Variants in TCAIM observed in about 807,000 individuals in gnomAD.
The protein encoded by TCAIM is T-cell activation inhibitor, mitochondrial.
A neutral mutation model predicts 58.6 loss-of-function variants in TCAIM; 36 were observed. The observed-to-expected ratio is 0.61, with a 90% CI of 0.47 to 0.81. The LOEUF (loss-of-function observed/expected upper bound fraction) is 0.81. Among genes scored for constraint, TCAIM ranks in the 30% least tolerant of loss-of-function variants. TCAIM has a pLI of 0.00. For missense variants in TCAIM, 466 were observed against 579.6 expected, an observed-to-expected ratio of 0.80 and a Z score of 2.01; for synonymous variants, 172 against 193.6, an observed-to-expected ratio of 0.89 and a Z score of 0.93.
At chr3:44,396,305 C>G in intron 6 of TCAIM, 95 bp from the exon 7 acceptor site, 1 of 945,610 alleles carries the variant, frequency 1.1e-6, no homozygotes, top group Non-Finnish European at 1.6e-6. Context: ...AAAAGAGACT[C>G]ATTGGCTTTC....
chr3:44,405,949 CT>C (rs1409088458), intron 10 of TCAIM, among the ~76,000 whole-genome samples: 1 of 53,898 alleles, frequency 1.9e-5, no homozygotes, highest in Admixed American at 2.7e-4. Flanking sequence ...AAGACTCCAT[CT>C]CAAAAAAAAA....
chr3:44,379,270 G>T lies in TCAIM; in HGVS notation c.572+11562G>T, dbSNP rs145075325. Among the ~76,000 whole-genome samples, 92 of 152,274 alleles carry T rather than the reference G, an allele frequency of 6.0e-4. No individual in the cohort carries two copies. The East Asian group carries it at 0.017, about 28-fold the overall frequency. On this transcript the variant is annotated intron_variant, in intron 5 of 10. Coordinates refer to ENST00000342649, the MANE Select transcript of TCAIM (RefSeq NM_173826.4). ...AAAAGGGAATGCTTATTTAGTGTTG[G>T]TAAGAGTGTATATTAGTTAAACCAT...
intron 5 of TCAIM, among the ~76,000 whole-genome samples, chr3:44,386,209 CAAA>C (rs10576012): frequency 7.3e-5 from 4 of 54,974 alleles, no homozygotes; most frequent in Admixed American, 2.3e-4. Flanking sequence ...CCAGAAGCTC[CAAA>C]AAAAAAAAAA....
intron 5 of TCAIM, 104 bp downstream of exon 5, chr3:44,367,812 T>C (rs1483283478): frequency 8.4e-7 from 1 of 1,189,808 alleles, no homozygotes; most frequent in Non-Finnish European, 1.1e-6. Context: ...AAAAGTGTAG[T>C]TCACATTTAA....
chr3:44,363,829 T>C (rs1701327010), intron 4 of TCAIM, among the ~76,000 whole-genome samples: 1 of 150,172 alleles, frequency 6.7e-6, no homozygotes, highest in African/African-American at 2.5e-5. Context: ...AAGCCTGTAC[T>C]CCCAGCTACT....
At chr3:44,371,929 C>A (rs1479421219) in intron 5 of TCAIM, among the ~76,000 whole-genome samples, 3 of 147,602 alleles carry the variant, frequency 2.0e-5, no homozygotes, top group Middle Eastern at 7.2e-3. Context: ...TTTTTTTCAA[C>A]CAAAAGCAGA....
intron 5 of TCAIM, among the ~76,000 whole-genome samples, chr3:44,386,565 C>G (rs1701746180): frequency 6.6e-6 from 1 of 152,234 alleles, no homozygotes; most frequent in African/African-American, 2.4e-5. Context: ...TGGGAACCCC[C>G]ACCCCTGTCA....
intron 4 of TCAIM, chr3:44,362,647 A>C: frequency 2.7e-6 from 1 of 372,850 alleles, no homozygotes; most frequent in Non-Finnish European, 4.8e-6. Context: ...CTATTCTTCA[A>C]TATTTAAAGA....
intron 5 of TCAIM, among the ~76,000 whole-genome samples, chr3:44,386,186 C>G (rs1486387024): frequency 8.7e-6 from 1 of 115,340 alleles, no homozygotes; most frequent in Admixed American, 1.2e-4. Context: ...GCACCTCAGC[C>G]TGGGCAATAG....
intron 1 of TCAIM, among the ~76,000 whole-genome samples, chr3:44,351,625 G>A (rs1314439549): frequency 1.3e-5 from 2 of 151,914 alleles, no homozygotes; most frequent in Non-Finnish European, 2.9e-5. Flanking sequence ...CTCCCAAGTA[G>A]CTGGGATTAC....
chr3:44,373,078 A>C (rs141902188), intron 5 of TCAIM, among the ~76,000 whole-genome samples: 5 of 152,228 alleles, frequency 3.3e-5, no homozygotes, highest in African/African-American at 1.2e-4. Context: ...TAGCATTTTT[A>C]AATTAAAATA....
At chr3:44,367,134 C>G (rs1274135996) in intron 4 of TCAIM, among the ~76,000 whole-genome samples, 1 of 152,156 alleles carries the variant, frequency 6.6e-6, no homozygotes, top group Non-Finnish European at 1.5e-5. Flanking sequence ...GATTTATCGA[C>G]AGAATTGAGA....
chr3:44,347,749 A>G (rs984805122), intron 1 of TCAIM, among the ~76,000 whole-genome samples: 3 of 152,206 alleles, frequency 2.0e-5, no homozygotes, highest in Non-Finnish European at 1.5e-5. Flanking sequence ...ATCCTTTTAA[A>G]GTATGCTGTG....
intron 4 of TCAIM, among the ~76,000 whole-genome samples, chr3:44,366,540 A>G (rs1701379288): frequency 7.1e-6 from 1 of 140,762 alleles, no homozygotes; most frequent in Non-Finnish European, 1.5e-5. Flanking sequence ...ATCTCGGCTC[A>G]CTGCAAGCTC....
intron 1 of TCAIM, among the ~76,000 whole-genome samples, chr3:44,343,927 C>T (rs111783749): frequency 4.0e-5 from 6 of 151,406 alleles, no homozygotes; most frequent in African/African-American, 1.5e-4. Context: ...TCTGTGATTA[C>T]AAAGCGATTA....
At chr3:44,373,373 T>G (rs890941614) in intron 5 of TCAIM, among the ~76,000 whole-genome samples, 1 of 152,020 alleles carries the variant, frequency 6.6e-6, no homozygotes, top group African/African-American at 2.4e-5. Context: ...AATGATAAAA[T>G]GAAAGCTTTA....
In TCAIM at chr3:44,357,239, G is replaced by A. The variant is rs140847893; in HGVS notation, c.30-502G>A. Reference sequence around the variant, plus strand: ...AAGAATTAGTTGGGTGTGGTGGCACGTGCCTGTAGTTCCAGCTACTTGGGA... The same window carrying A: ...AAGAATTAGTTGGGTGTGGTGGCACATGCCTGTAGTTCCAGCTACTTGGGA... On this transcript the variant is annotated intron_variant, in intron 2 of 10. Transcript: ENST00000342649. 2.1e-3 allele frequency among the ~76,000 whole-genome samples: 314 copies of A among 151,784 alleles called. 2 individuals carry two copies. Among genetic ancestry groups the A allele is most frequent in the Non-Finnish European group, 3.6e-3 (242 of 67,960 alleles).
chr3:44,348,132 G>A (rs1701008388), intron 1 of TCAIM, among the ~76,000 whole-genome samples: 1 of 152,218 alleles, frequency 6.6e-6, no homozygotes, highest in African/African-American at 2.4e-5. Flanking sequence ...AGTTATGGAG[G>A]CAAGGGAAAC....
Position 44,407,713 on chromosome 3 carries a change from TAAG to T in TCAIM, c.*34_*36del. On this transcript the variant is annotated 3_prime_UTR_variant, in exon 11 of 11. Transcript: ENST00000342649. ...AAATCTGTTTTATTTTTTTAAGAGATAAGAAAGGAACTTAAATTAAAAATATTT... is the reference window on the plus strand; with the variant it reads ...AAATCTGTTTTATTTTTTTAAGAGATAAAGGAACTTAAATTAAAAATATTT... 6.5e-7 allele frequency: 1 copy of T among 1,538,498 alleles called. No individual in the cohort carries two copies. Among genetic ancestry groups the T allele is most frequent in the South Asian group, 1.3e-5 (1 of 79,122 alleles).
Sources: gnomAD v4.1 joint callset for allele counts (sites outside exome capture counted in the v4.1 genomes callset) on GRCh38, gnomAD v4.1.1 for gene constraint, MANE v1.5 for transcripts, NCBI Gene and HGNC (gene_info 2026-07-23, HGNC 2026-07-21) for gene names.